Variants in KCNC2 observed in about 807,000 individuals in gnomAD.
The protein encoded by KCNC2 is voltage-gated potassium channel KCNC2.
KCNC2 carries 21 observed loss-of-function variants against 44.5 expected under a neutral mutation model. That is an observed-to-expected ratio of 0.47 (90% confidence interval 0.33 to 0.68). The LOEUF is 0.68. Ranked by LOEUF, KCNC2 falls within the 30% of genes least tolerant of loss-of-function variation. The pLI is 0.01. For synonymous variants in KCNC2, 391 were observed against 339.1 expected (o/e 1.15, Z -1.68); for missense variants, 589 against 826.2 (o/e 0.71, Z 3.52).
At chr12:75,065,284 T>C (rs1882721814) in intron 2 of KCNC2, among the ~76,000 whole-genome samples, 1 of 152,080 alleles carries the variant, frequency 6.6e-6, no homozygotes, top group Non-Finnish European at 1.5e-5. Context: ...ACAACAATTA[T>C]TCATTCAGTT....
At position 75,051,231 on chromosome 12, in the gene KCNC2, T is replaced by G. The variant is rs1565810687; in HGVS notation, c.774A>C (p.Lys258Asn). ...CATTGATGACTGGTTCTGTCTTGTT[T>G]TTAACAATATTGAAAGCTTCATGTG... ...LETHEAFNIV[K>N]NKTEPVINGT... The change falls in exon 3 of 5, where the codon AAA (lysine) becomes AAC (asparagine). Residue 258 changes from lysine (K) to asparagine (N), a missense_variant. By Grantham distance (94) the Lys-to-Asn change is moderately conservative. This residue lies in a region of KCNC2 where 40 missense variants were observed against 40.6 expected (regional missense o/e 0.99). Transcript: ENST00000549446. 6.2e-7 allele frequency: 1 copy of G among 1,611,552 alleles called. No individual in the cohort carries two copies. The highest frequency in any genetic ancestry group is 8.5e-7 in the Non-Finnish European group (1 of 1,177,922).
At chr12:75,075,193 T>C (rs557184295) in intron 2 of KCNC2, among the ~76,000 whole-genome samples, 3 of 152,216 alleles carry the variant, frequency 2.0e-5, no homozygotes, top group Admixed American at 2.0e-4. Flanking sequence ...TATTTCAGAA[T>C]TCTATTAAAA....
chr12:75,101,794 CA>C (rs903913580), intron 2 of KCNC2, among the ~76,000 whole-genome samples: 3 of 151,952 alleles, frequency 2.0e-5, no homozygotes, highest in Non-Finnish European at 4.4e-5. Context: ...AAAAGGAAAA[CA>C]AAAATTGCAT....
intron 2 of KCNC2, among the ~76,000 whole-genome samples, chr12:75,086,699 TACACACACATATTTATCTTAAGTC>T (rs1885062324): frequency 7.2e-6 from 1 of 138,876 alleles, no homozygotes; most frequent in African/African-American, 2.8e-5. Flanking sequence ...TATATATATA[TACACACACATATTTATCTTAAGTC>T]ATATATAAAT....
chr12:75,054,536 A>G (rs1403474805), intron 2 of KCNC2, among the ~76,000 whole-genome samples: 1 of 152,158 alleles, frequency 6.6e-6, no homozygotes, highest in Non-Finnish European at 1.5e-5. Context: ...TTTTAAGATG[A>G]TGCCTTTTCT....
intron 2 of KCNC2, among the ~76,000 whole-genome samples, chr12:75,069,414 G>T (rs1201395656): frequency 6.6e-6 from 1 of 151,912 alleles, no homozygotes; most frequent in Non-Finnish European, 1.5e-5. Context: ...GGGATTACAG[G>T]TGTGATCCAC....
intron 2 of KCNC2, among the ~76,000 whole-genome samples, chr12:75,195,686 A>C (rs539972039): frequency 3.4e-4 from 51 of 152,174 alleles, no homozygotes; most frequent in African/African-American, 1.2e-3. Flanking sequence ...TAACACACTA[A>C]ACTGTGGCCC....
At position 75,194,811 on chromosome 12, in the gene KCNC2, T is replaced by C. The variant is rs769724723; in HGVS notation, c.687+12486A>G. On this transcript the variant is annotated intron_variant, in intron 2 of 4. Transcript: ENST00000549446. ...AGAACCATTCTATGGAATCTTAGTATGTAGTCAAGGAAAACAGATAAAGTT... is the reference window on the plus strand; with the variant it reads ...AGAACCATTCTATGGAATCTTAGTACGTAGTCAAGGAAAACAGATAAAGTT... Among the ~76,000 whole-genome samples the C allele has an allele frequency of 3.0e-4, 46 of 152,188 alleles. 1 individual carries two copies. Among genetic ancestry groups the C allele is most frequent in the Non-Finnish European group, 6.6e-4 (45 of 68,018 alleles).
At chr12:75,179,192 C>T (rs1020149838) in intron 2 of KCNC2, among the ~76,000 whole-genome samples, 1 of 151,882 alleles carries the variant, frequency 6.6e-6, no homozygotes, top group African/African-American at 2.4e-5. Context: ...TGAATCAGAA[C>T]ACTAGTAAAA....
intron 2 of KCNC2, among the ~76,000 whole-genome samples, chr12:75,152,388 A>G (rs1400469707): frequency 6.6e-6 from 1 of 151,942 alleles, no homozygotes; most frequent in African/African-American, 2.4e-5. Flanking sequence ...ATAGAAACCA[A>G]AAAAGAATGG....
At chr12:75,196,413 T>C (rs960522021) in intron 2 of KCNC2, among the ~76,000 whole-genome samples, 2 of 152,130 alleles carry the variant, frequency 1.3e-5, no homozygotes, top group African/African-American at 4.8e-5. Context: ...CTTCTTAAAG[T>C]AGGCTACTAT....
chr12:75,105,773 C>A (rs1886733226), intron 2 of KCNC2, among the ~76,000 whole-genome samples: 1 of 152,022 alleles, frequency 6.6e-6, no homozygotes, highest in South Asian at 2.1e-4. Flanking sequence ...TTAGAAATTA[C>A]CATGATTTCG....
intron 2 of KCNC2, among the ~76,000 whole-genome samples, chr12:75,123,643 ACAAC>A (rs1888197070): frequency 6.6e-6 from 1 of 152,184 alleles, no homozygotes; most frequent in South Asian, 2.1e-4. Flanking sequence ...CCAATAGAGT[ACAAC>A]CCAGTATAGT....
intron 2 of KCNC2, among the ~76,000 whole-genome samples, chr12:75,083,078 T>C (rs1484986775): frequency 2.0e-5 from 3 of 151,420 alleles, no homozygotes; most frequent in African/African-American, 7.3e-5. Flanking sequence ...TAAGAAATTA[T>C]AGTTAGTAAG....
At chr12:75,138,475 A>G (rs992418082) in intron 2 of KCNC2, among the ~76,000 whole-genome samples, 8 of 152,198 alleles carry the variant, frequency 5.3e-5, no homozygotes, top group African/African-American at 1.9e-4. Flanking sequence ...TTTAAAATAA[A>G]TTTCTGGACA....
intron 2 of KCNC2, among the ~76,000 whole-genome samples, chr12:75,190,788 G>A (rs1446667294): frequency 6.6e-6 from 1 of 151,896 alleles, no homozygotes; most frequent in Non-Finnish European, 1.5e-5. Context: ...AGCAGTAGTA[G>A]CAATTAAACA....
At chr12:75,153,778 G>A (rs1192573874) in intron 2 of KCNC2, among the ~76,000 whole-genome samples, 2 of 151,786 alleles carry the variant, frequency 1.3e-5, no homozygotes, top group Non-Finnish European at 2.9e-5. Flanking sequence ...ATGTTATTAA[G>A]AAAAACGTGA....
In KCNC2 at chr12:75,042,286, C is replaced by T. The variant is rs775911156; in HGVS notation, c.*819G>A. 6.2e-7 allele frequency: 1 copy of T among 1,610,254 alleles called. No individual in the cohort carries two copies. The highest frequency in any genetic ancestry group is 8.5e-7 in the Non-Finnish European group (1 of 1,177,938). ...AAGCCTGGCTGGCAGTTACCTTTCT[C>T]TCATGTTTTGTGCCTTCCCCAAGTC... On this transcript the variant is annotated 3_prime_UTR_variant, in exon 5 of 5. Transcript: ENST00000549446.
chr12:75,186,042 G>A (rs1378145103), intron 2 of KCNC2, among the ~76,000 whole-genome samples: 2 of 132,876 alleles, frequency 1.5e-5, no homozygotes, highest in Non-Finnish European at 3.2e-5. Context: ...GTGAAACTCT[G>A]TCTCAAAAAT....
Sources: gnomAD v4.1 joint callset for allele counts (sites outside exome capture counted in the v4.1 genomes callset) on GRCh38, gnomAD v4.1.1 for gene constraint, gnomAD v4.1.1 regional missense constraint, MANE v1.5 for transcripts, NCBI Gene and HGNC (gene_info 2026-07-23, HGNC 2026-07-21) for gene names.